The following PDZD7 variants were observed in gnomAD, a reference collection of about 807,000 sequenced individuals.
The protein encoded by PDZD7 is PDZ domain-containing protein 7.
Under a neutral mutation model 84.7 loss-of-function variants are expected in PDZD7, and 72 were observed. That is an observed-to-expected ratio of 0.85 (90% CI 0.70 to 1.03). PDZD7 has a LOEUF of 1.03. PDZD7 is among the 50% of genes least tolerant of loss of function. The pLI is 0.00. For synonymous variants in PDZD7, 594 were observed against 580.7 expected, an observed-to-expected ratio of 1.02 and a Z score of -0.33; for missense variants, 1,490 against 1,412.9, an observed-to-expected ratio of 1.05 and a Z score of -0.87.
chr10:101,027,327 C>T (rs1309681952), intron 2 of PDZD7, among the ~76,000 whole-genome samples: 1 of 151,522 alleles, frequency 6.6e-6, no homozygotes, highest in Non-Finnish European at 1.5e-5. Context: ...AGGCCAAGCC[C>T]TTCCAGTGTT....
intron 11 of PDZD7, among the ~76,000 whole-genome samples, chr10:101,014,191 C>T (rs956719006): frequency 6.6e-6 from 1 of 152,018 alleles, no homozygotes; most frequent in African/African-American, 2.4e-5. Context: ...CCTGGTCTGG[C>T]AGCTGTAGAG....
chr10:101,016,280 T>A, intron 10 of PDZD7, 97 bp downstream of exon 10: 1 of 1,283,686 alleles, frequency 7.8e-7, no homozygotes, highest in Non-Finnish European at 1.1e-6. Context: ...TGACCCTGAC[T>A]GAATTTAGTC....
At position 101,008,704 on chromosome 10, in the gene PDZD7, C is replaced by T. The variant is rs1476425394; in HGVS notation, c.2865G>A (p.Arg955=). Residue 955 remains arginine (R), a synonymous_variant, in exon 17 of 17, where the codon CGG becomes CGA. Coordinates refer to ENST00000619208, the MANE Select transcript of PDZD7 (RefSeq NM_001195263.2). ...LVVRVPGPSP[R]PSPSDSSALT... ...GGGCTGATGAGTCAGAGGGTGAGGG[C>T]CGTGGGCTGGGCCCGGGGACCCTGA... 2.6e-6 allele frequency: 4 copies of T among 1,535,884 alleles called. No homozygotes were observed.
At chr10:101,027,974 C>T (rs1340171370) in intron 2 of PDZD7, among the ~76,000 whole-genome samples, 1 of 152,126 alleles carries the variant, frequency 6.6e-6, no homozygotes, top group Non-Finnish European at 1.5e-5. Context: ...ATTTAAGGAG[C>T]TGGTGGGATC....
At chr10:101,015,871 C>G in intron 10 of PDZD7, 60 bp from the exon 11 acceptor site, 6 of 1,492,912 alleles carry the variant, frequency 4.0e-6, no homozygotes, top group Non-Finnish European at 5.4e-6. Context: ...GGCTGGGCCC[C>G]AGAATTGGCC....
chr10:101,019,130 G>C lies in PDZD7; in HGVS notation c.1016C>G (p.Ser339Trp). The change falls in exon 8 of 17, where the codon TCG becomes TGG. Residue 339 changes from serine to tryptophan, a missense_variant. Ser to Trp is a radical substitution (Grantham distance 177, BLOSUM62 -3). Coordinates refer to ENST00000619208, the MANE Select transcript of PDZD7 (RefSeq NM_001195263.2). ...SSCASSAPYS[S>W]GSLPSDRMDI... ...CATGCGGTCCGACGGCAGGGAGCCC[G>C]AGCTGTAGGGGGCGCTGGAGGCGCA... 6.5e-7 allele frequency: 1 copy of C among 1,547,098 alleles called. No individual in the cohort carries two copies. The highest frequency in any genetic ancestry group is 8.7e-7 in the Non-Finnish European group (1 of 1,152,662).
At chr10:101,019,279 GACC>G (rs1304439557) in intron 7 of PDZD7, 62 bp from the exon 8 acceptor site, 18 of 1,531,106 alleles carry the variant, frequency 1.2e-5, no homozygotes, top group Non-Finnish European at 1.5e-5. Flanking sequence ...CCGGCTTGCA[GACC>G]ACCCTTGGGC....
intron 13 of PDZD7, 48 bp downstream of exon 13, chr10:101,011,877 A>G: frequency 6.5e-7 from 1 of 1,548,794 alleles, no homozygotes; most frequent in South Asian, 1.2e-5. Context: ...TCCCATCCCC[A>G]CCCCCAGCAG....
rs1852419008 is a variant in PDZD7, at chr10:101,012,192, T to G, written c.1816A>C (p.Lys606Gln). ...PLLAILDRPEKLLLLQDIRSV... is the reference protein window; with the variant it reads ...PLLAILDRPEQLLLLQDIRSV... The stretch of plus-strand genomic sequence containing the variant: ...CTGATGTCCTGCAGCAGTAGCAGCT[T>G]CTCCGGCCTGTCGAGGATGGCCAGC... The change falls in exon 12 of 17, where the codon AAG (lysine) becomes CAG (glutamine). Residue 606 changes from lysine to glutamine, a missense_variant. Lys to Gln is a moderately conservative substitution (Grantham distance 53, BLOSUM62 1). Transcript: ENST00000619208. The G allele has an allele frequency of 1.9e-6, 3 of 1,550,264 alleles. No homozygotes were observed. The South Asian group carries it at 3.6e-5, about 18-fold the overall frequency.
intron 9 of PDZD7, 195 bp downstream of exon 9, chr10:101,017,904 G>T (rs1350691292): frequency 3.3e-5 from 15 of 460,206 alleles, no homozygotes; most frequent in South Asian, 1.3e-4. Flanking sequence ...AAGAAAGAAA[G>T]AAAGAAAGAA....
Position 101,010,416 on chromosome 10 carries a change from G to T in PDZD7, c.2473C>A (p.Pro825Thr). Residue 825 changes from proline (P) to threonine (T), a missense_variant, in exon 15 of 17, where the codon CCT becomes ACT. Physicochemically the swap from Pro to Thr is conservative, Grantham distance 38. Transcript: ENST00000619208. ...PRKARPPLPR[P>T]LDGEAAKVGA... Reference sequence around the variant, plus strand: ...ACCTTGGCTGCCTCCCCATCCAGAGGTCGTGGCAGAGGGGGTCTGGCCTTC... The same window carrying T: ...ACCTTGGCTGCCTCCCCATCCAGAGTTCGTGGCAGAGGGGGTCTGGCCTTC... The T allele has an allele frequency of 6.5e-7, 1 of 1,536,188 alleles. No individual in the cohort carries two copies. Among genetic ancestry groups the T allele is most frequent in the Non-Finnish European group, 8.7e-7 (1 of 1,146,930 alleles).
At chr10:101,022,026 C>T (rs1853138241) in intron 5 of PDZD7, 81 bp from the exon 6 acceptor site, 1 of 1,578,244 alleles carries the variant, frequency 6.3e-7, no homozygotes, top group Non-Finnish European at 8.6e-7. Context: ...CTCTTGGACA[C>T]AAGACTGCAC....
chr10:101,008,800 G>A lies in PDZD7; in HGVS notation c.2769C>T (p.Thr923=). The change falls in exon 17 of 17, where the codon ACC becomes ACT. Residue 923 remains threonine, a synonymous_variant. Coordinates refer to ENST00000619208, the MANE Select transcript of PDZD7 (RefSeq NM_001195263.2). ...GGATGGTGTCTACTGCACGCTGGTG[G>A]GTCACCTGCTCTAGATTCTCTCCGT... ...AVDGENLEQV[T]HQRAVDTIRR... 1 of 1,528,814 alleles carries A rather than the reference G, an allele frequency of 6.5e-7. No individual in the cohort carries two copies. The highest frequency in any genetic ancestry group is 8.8e-7 in the Non-Finnish European group (1 of 1,141,578). 94.7% of individuals were successfully genotyped at this position (1,528,814 alleles called of 1,614,324 possible).
rs977473792 is a variant in PDZD7 at position 101,018,195 on chromosome 10, G to A, written c.1426C>T (p.Arg476Trp). The A allele has an allele frequency of 1.1e-5, 18 of 1,614,074 alleles. No homozygotes were observed. The highest frequency in any genetic ancestry group is 1.4e-5 in the Non-Finnish European group (17 of 1,180,042). The part of the protein sequence containing the change: ...TLMNLFFKGG[R>W]QGRLARDGRR... ...CCGTCCCGCGCTAGCCTCCCCTGCC[G>A]CCCTCCCTTGAAGAAGAGGTTCATC... The change falls in exon 9 of 17, where the codon CGG (arginine) becomes TGG (tryptophan). Residue 476 changes from arginine to tryptophan, a missense_variant. Physicochemically the swap from Arg to Trp is moderately radical, Grantham distance 101. Coordinates refer to ENST00000619208, the MANE Select transcript of PDZD7 (RefSeq NM_001195263.2).
At chr10:101,019,575 TCCTCCTCCTCC>T (rs1564635251) in intron 7 of PDZD7, among the ~76,000 whole-genome samples, 99 of 122,150 alleles carry the variant, frequency 8.1e-4, no homozygotes, top group Non-Finnish European at 1.6e-3. Context: ...CTCCTCCTCC[TCCTCCTCCTCC>T]TCTTCTTCTT....
intron 11 of PDZD7, among the ~76,000 whole-genome samples, chr10:101,012,952 G>A (rs940225933): frequency 2.0e-5 from 3 of 152,230 alleles, no homozygotes; most frequent in Non-Finnish European, 2.9e-5. Flanking sequence ...CACTGACTCT[G>A]AAGACCTGAA....
chr10:101,010,531 C>CCGGCTGCTG lies in PDZD7; in HGVS notation c.2349_2357dup (p.Ser784_Arg786dup), dbSNP rs1852358125. 1 of 1,479,620 alleles carries CCGGCTGCTG rather than the reference C, an allele frequency of 6.8e-7. No homozygotes were observed. The highest frequency in any genetic ancestry group is 2.5e-5 in the East Asian group (1 of 40,594). The allele number at this position is 1,479,620 out of a possible 1,614,324, so 91.7% of individuals were successfully genotyped here. A position where few individuals can be genotyped will look rare whatever the true frequency, so the allele number is the denominator to read the frequency against. On this transcript the variant is annotated inframe_insertion, in exon 15 of 17. Coordinates refer to ENST00000619208, the MANE Select transcript of PDZD7 (RefSeq NM_001195263.2). ...GTCTACCTGGAGACTTGCCTTGACC[C>CCGGCTGCTG]CGGCTGCTGCGGCTGCGGCTGCGGC...
Position 101,030,359 on chromosome 10 carries a change from G to T in PDZD7, c.-140C>A. 1.3e-6 allele frequency: 1 copy of T among 761,160 alleles called. No homozygotes were observed. Among genetic ancestry groups the T allele is most frequent in the Non-Finnish European group, 2.3e-6 (1 of 439,358 alleles). The allele number at this position is 761,160 out of a possible 1,614,324, so 47.2% of individuals were successfully genotyped here. A position where few individuals can be genotyped will look rare whatever the true frequency, so the allele number is the denominator to read the frequency against. ...TAACGTGAAGGCCCTCGCTTGCGAT[G>T]CCTCTCAGAAGTGTGAGCTCCAGGC... On this transcript the variant is annotated 5_prime_UTR_variant, in exon 2 of 17. Coordinates refer to ENST00000619208, the MANE Select transcript of PDZD7 (RefSeq NM_001195263.2).
intron 8 of PDZD7, 35 bp downstream of exon 8, chr10:101,018,787 G>A (rs1346440038): frequency 1.9e-6 from 3 of 1,551,210 alleles, no homozygotes; most frequent in Non-Finnish European, 2.6e-6. Context: ...ACCAGAGGCT[G>A]TGGAGGGAGC....
Sources: gnomAD v4.1 joint callset for allele counts (sites outside exome capture counted in the v4.1 genomes callset) on GRCh38, gnomAD v4.1.1 for gene constraint, MANE v1.5 for transcripts, NCBI Gene and HGNC (gene_info 2026-07-23, HGNC 2026-07-21) for gene names.